Variants in PKD2L2 observed in about 807,000 individuals in gnomAD.
The protein encoded by PKD2L2 is polycystin 2 like 2, transient receptor potential cation channel, also known as polycystin-2-like protein 2.
Under a neutral mutation model 83.9 loss-of-function variants are expected in PKD2L2, and 67 were observed. The ratio of observed to expected loss-of-function variants is 0.80; its 90% confidence interval spans 0.66 to 0.98. PKD2L2 has a LOEUF of 0.98. PKD2L2 is among the 50% of genes least tolerant of loss of function. PKD2L2 has a pLI of 0.00. For synonymous variants in PKD2L2, 223 were observed against 237.8 expected (o/e 0.94, Z 0.57); for missense variants, 632 against 717.2 (o/e 0.88, Z 1.36).
chr5:137,934,309 G>T (rs1318634194), intron 12 of PKD2L2, among the ~76,000 whole-genome samples: 1 of 152,068 alleles, frequency 6.6e-6, no homozygotes, highest in South Asian at 2.1e-4. Flanking sequence ...GGCTGAGACG[G>T]GTTTTTAAAA....
At chr5:137,911,275 T>C (rs1757812762) in intron 8 of PKD2L2, among the ~76,000 whole-genome samples, 1 of 152,218 alleles carries the variant, frequency 6.6e-6, no homozygotes, top group African/African-American at 2.4e-5. Context: ...TTAAGTTTCA[T>C]CCATGTTGTA....
chr5:137,902,484 A>AC (rs1757044292), intron 5 of PKD2L2, among the ~76,000 whole-genome samples: 2 of 151,802 alleles, frequency 1.3e-5, no homozygotes, highest in African/African-American at 4.8e-5. Flanking sequence ...GATAAAGACC[A>AC]TTATGAAGAC....
At chr5:137,936,167 A>G (rs1040808257) in intron 13 of PKD2L2, among the ~76,000 whole-genome samples, 153 bp from the exon 14 acceptor site, 3 of 152,234 alleles carry the variant, frequency 2.0e-5, no homozygotes, top group African/African-American at 4.8e-5. Context: ...TTCTCCACAT[A>G]GCTTTAGAAT....
rs1293035741 is a variant in PKD2L2 at position 137,925,877 on chromosome 5, A to C, written c.1619A>C (p.Lys540Thr). The part of the protein sequence containing the change: ...KAQKDEDKKT[K>T]GSGDLAEQAR... Reference sequence around the variant, plus strand: ...CTTTTATTTTATATTCTCAATAGCAAAGGCAGCGGAGATTTGGCTGAACAA... The same window carrying C: ...CTTTTATTTTATATTCTCAATAGCACAGGCAGCGGAGATTTGGCTGAACAA... Residue 540 changes from lysine to threonine, a missense_variant and splice_region_variant, in exon 12 of 15, where the codon AAA (lysine) becomes ACA (threonine). Around this residue, in one of 3 missense-constraint regions of PKD2L2, gnomAD observed 399 missense variants for 416.9 expected, o/e 0.96. Transcript: ENST00000508883. 9.4e-6 allele frequency: 15 copies of C among 1,590,446 alleles called. No individual in the cohort carries two copies. The highest frequency in any genetic ancestry group is 1.2e-5 in the Non-Finnish European group (14 of 1,162,242).
intron 5 of PKD2L2, among the ~76,000 whole-genome samples, chr5:137,904,751 CT>C (rs1757231034): frequency 6.6e-6 from 1 of 152,126 alleles, no homozygotes; most frequent in Non-Finnish European, 1.5e-5. Flanking sequence ...ACATGCACCC[CT>C]GAACCTAAAA....
chr5:137,920,272 T>TA (rs1758772332), intron 8 of PKD2L2, among the ~76,000 whole-genome samples: 1 of 152,174 alleles, frequency 6.6e-6, no homozygotes, highest in Non-Finnish European at 1.5e-5. Context: ...ATATTCCTGA[T>TA]ACGTCCAGTG....
chr5:137,900,335 T>C (rs1451399456), intron 5 of PKD2L2, among the ~76,000 whole-genome samples: 2 of 152,248 alleles, frequency 1.3e-5, no homozygotes, highest in Non-Finnish European at 2.9e-5. Flanking sequence ...TCTCTTATAG[T>C]TCTCGTGTGT....
chr5:137,891,127 A>T (rs749744830), intron 2 of PKD2L2, among the ~76,000 whole-genome samples: 4 of 152,246 alleles, frequency 2.6e-5, no homozygotes, highest in South Asian at 4.1e-4. Context: ...GCATTGGCTT[A>T]ATATGCAAAG....
At chr5:137,940,567 T>TA (rs1273191520) in intron 14 of PKD2L2, 21 of 464,326 alleles carry the variant, frequency 4.5e-5, no homozygotes, top group Non-Finnish European at 7.5e-5. Flanking sequence ...TAAATGATGC[T>TA]ATACTTATAA....
rs778890742 is a variant in PKD2L2, at chr5:137,921,710, C to A, written c.1403C>A (p.Pro468His). 6.2e-7 allele frequency: 1 copy of A among 1,608,430 alleles called. No homozygotes were observed. Among genetic ancestry groups the A allele is most frequent in the Non-Finnish European group, 8.5e-7 (1 of 1,175,808 alleles). The part of the protein sequence containing the change: ...GIQQANPILG[P>H]IYFITFIFFV... ...CAGCAAGCCAATCCTATCTTGGGAC[C>A]CATTTACTTCATCACTTTCATCTTT... is the stretch of plus-strand genomic sequence containing the variant. Residue 468 changes from proline (P) to histidine (H), a missense_variant, in exon 9 of 15, where the codon CCC becomes CAC. Transcript: ENST00000508883.
chr5:137,902,001 A>G (rs1320209689), intron 5 of PKD2L2, among the ~76,000 whole-genome samples: 1 of 152,074 alleles, frequency 6.6e-6, no homozygotes, highest in Non-Finnish European at 1.5e-5. Flanking sequence ...GGATATGGAA[A>G]AAAAAAAAAA....
chr5:137,926,523 G>A (rs1020742013), intron 12 of PKD2L2, among the ~76,000 whole-genome samples: 2 of 152,196 alleles, frequency 1.3e-5, no homozygotes, highest in African/African-American at 4.8e-5. Context: ...TGGAAAGGCT[G>A]AAGGTGAACT....
intron 1 of PKD2L2, among the ~76,000 whole-genome samples, chr5:137,889,812 T>G (rs562745647): frequency 3.0e-4 from 46 of 152,316 alleles, no homozygotes; most frequent in African/African-American, 1.1e-3. Context: ...TTGGTTGATC[T>G]GGGGAGTCGT....
intron 12 of PKD2L2, among the ~76,000 whole-genome samples, chr5:137,928,102 C>T (rs1759525556): frequency 6.6e-6 from 1 of 152,158 alleles, no homozygotes; most frequent in Non-Finnish European, 1.5e-5. Flanking sequence ...CAGAAGAACA[C>T]CTACAATATA....
intron 3 of PKD2L2, among the ~76,000 whole-genome samples, chr5:137,893,078 A>AT (rs1046231149): frequency 5.3e-5 from 8 of 151,922 alleles, no homozygotes; most frequent in Admixed American, 1.3e-4. Flanking sequence ...CAAAAAAAAA[A>AT]TTTTTTTTGA....
chr5:137,895,133 G>C (rs540111157), intron 4 of PKD2L2, among the ~76,000 whole-genome samples: 1 of 152,248 alleles, frequency 6.6e-6, no homozygotes, highest in East Asian at 1.9e-4. Context: ...GTTTCAAAGT[G>C]ACTGAGGCTA....
At chr5:137,934,709 G>A (rs1416274959) in intron 12 of PKD2L2, among the ~76,000 whole-genome samples, 1 of 152,172 alleles carries the variant, frequency 6.6e-6, no homozygotes, top group Admixed American at 6.5e-5. Flanking sequence ...CTACTCGGGA[G>A]GCTGAGGAAG....
intron 8 of PKD2L2, among the ~76,000 whole-genome samples, chr5:137,920,657 T>G (rs1181613283): frequency 6.6e-6 from 1 of 151,658 alleles, no homozygotes; most frequent in East Asian, 2.0e-4. Context: ...CTCAGGAGGC[T>G]GAGGCAGGAG....
intron 12 of PKD2L2, among the ~76,000 whole-genome samples, chr5:137,930,133 T>C (rs1031051251): frequency 1.3e-5 from 2 of 151,670 alleles, no homozygotes; most frequent in Non-Finnish European, 2.9e-5. Flanking sequence ...ATATAATAAA[T>C]AAGATGATCG....
Sources: allele counts gnomAD v4.1 joint callset (sites outside exome capture counted in the v4.1 genomes callset), GRCh38; gene constraint gnomAD v4.1.1; regional missense constraint gnomAD v4.1.1; transcripts MANE v1.5; gene names NCBI Gene and HGNC (gene_info 2026-07-23, HGNC 2026-07-21).